Variants in IMMP2L observed in about 807,000 individuals in gnomAD.
IMMP2L encodes the protein mitochondrial inner membrane protease subunit 2.
In IMMP2L, 18 loss-of-function variants were observed where a neutral mutation model predicts 19.3. The ratio of observed to expected loss-of-function variants is 0.93; its 90% CI spans 0.64 to 1.38. The LOEUF (loss-of-function observed/expected upper bound fraction) is 1.38. Ranked by LOEUF, IMMP2L falls within the 40% of genes most tolerant of loss-of-function variation. The pLI is 0.00. For synonymous variants in IMMP2L, 76 were observed against 73.0 expected (o/e 1.04, Z -0.21); for missense variants, 233 against 218.2 (o/e 1.07, Z -0.43).
rs189276305 is a variant in IMMP2L, at chr7:110,688,484, T to C, written c.409-24763A>G. The stretch of plus-strand genomic sequence containing the variant: ...CTTTCCTTAGCAAAAAATTAATCAA[T>C]ATAAAAATGGATTAAATATATTTAA... On this transcript the variant is annotated intron_variant, in intron 5 of 5. Coordinates refer to ENST00000405709, the MANE Select transcript of IMMP2L (RefSeq NM_032549.4). 4.2e-3 allele frequency among the ~76,000 whole-genome samples: 641 copies of C among 152,054 alleles called. 1 individual carries two copies. Among genetic ancestry groups the C allele is most frequent in the Non-Finnish European group, 5.1e-3 (347 of 67,972 alleles).
intron 3 of IMMP2L, among the ~76,000 whole-genome samples, chr7:111,196,243 G>A (rs563497848): frequency 3.9e-5 from 6 of 152,282 alleles, no homozygotes; most frequent in African/African-American, 1.2e-4. Flanking sequence ...TTGGAATAAT[G>A]TGAAAGATTA....
At chr7:111,177,353 A>T (rs74527094) in intron 3 of IMMP2L, among the ~76,000 whole-genome samples, 7,364 of 151,710 alleles carry the variant, frequency 0.049, 223 homozygotes, top group South Asian at 0.083. Flanking sequence ...AATTTTTTAA[A>T]TTTTTTCTGT....
chr7:111,240,493 T>C (rs888801086), intron 3 of IMMP2L, among the ~76,000 whole-genome samples: 2 of 151,988 alleles, frequency 1.3e-5, no homozygotes, highest in Non-Finnish European at 2.9e-5. Flanking sequence ...TTGTCTGTCA[T>C]GTTTCAAACC....
At chr7:111,070,701 T>C (rs1359410162) in intron 3 of IMMP2L, among the ~76,000 whole-genome samples, 1 of 152,298 alleles carries the variant, frequency 6.6e-6, no homozygotes, top group South Asian at 2.1e-4. Flanking sequence ...TGCACCATAG[T>C]GGCCATATTT....
chr7:110,856,516 T>C (rs1275852048), intron 5 of IMMP2L, among the ~76,000 whole-genome samples: 2 of 152,030 alleles, frequency 1.3e-5, no homozygotes, highest in African/African-American at 2.4e-5. Context: ...CATTATTTTA[T>C]CTGATACAAA....
At chr7:110,748,014 A>C (rs1014401995) in intron 5 of IMMP2L, among the ~76,000 whole-genome samples, 6 of 152,248 alleles carry the variant, frequency 3.9e-5, no homozygotes, top group Admixed American at 3.3e-4. Flanking sequence ...ATCTCAGCCC[A>C]AAATCTCCTT....
chr7:110,994,875 T>A (rs560511417), intron 3 of IMMP2L, among the ~76,000 whole-genome samples: 1 of 152,106 alleles, frequency 6.6e-6, no homozygotes, highest in Admixed American at 6.6e-5. Context: ...CTTCTAATGA[T>A]AGAAGAAAGG....
chr7:110,790,452 G>C (rs1800388251), intron 5 of IMMP2L, among the ~76,000 whole-genome samples: 1 of 151,810 alleles, frequency 6.6e-6, no homozygotes, highest in Non-Finnish European at 1.5e-5. Context: ...AAGGGGACCA[G>C]TCCAGAGGCT....
At chr7:110,864,881 C>T (rs1807823542) in intron 5 of IMMP2L, among the ~76,000 whole-genome samples, 3 of 151,932 alleles carry the variant, frequency 2.0e-5, no homozygotes, top group Admixed American at 2.0e-4. Flanking sequence ...CTTTTCTTCC[C>T]TGATTTTCTC....
intron 5 of IMMP2L, among the ~76,000 whole-genome samples, chr7:110,681,115 C>G (rs1001446485): frequency 5.3e-5 from 8 of 151,156 alleles, no homozygotes; most frequent in African/African-American, 1.9e-4. Context: ...TGTGGAAATA[C>G]TGGTGAAAGA....
At chr7:110,816,359 A>G (rs1802517005) in intron 5 of IMMP2L, among the ~76,000 whole-genome samples, 1 of 151,954 alleles carries the variant, frequency 6.6e-6, no homozygotes, top group Non-Finnish European at 1.5e-5. Context: ...GTTCTTTTAC[A>G]TTTGCTGAGG....
chr7:111,188,848 A>G (rs1808558026), intron 3 of IMMP2L, among the ~76,000 whole-genome samples: 1 of 152,096 alleles, frequency 6.6e-6, no homozygotes, highest in East Asian at 1.9e-4. Flanking sequence ...TATTAGTCCT[A>G]CAGAATAACA....
chr7:111,136,475 C>A (rs1162568679), intron 3 of IMMP2L, among the ~76,000 whole-genome samples: 1 of 152,120 alleles, frequency 6.6e-6, no homozygotes, highest in Non-Finnish European at 1.5e-5. Flanking sequence ...GGCAGCCCTG[C>A]AAGTTATTGA....
At chr7:110,990,274 A>T (rs548493116) in intron 3 of IMMP2L, among the ~76,000 whole-genome samples, 1 of 152,324 alleles carries the variant, frequency 6.6e-6, no homozygotes, top group East Asian at 1.9e-4. Flanking sequence ...TGTGAATTTA[A>T]GAAAATCTTA....
At chr7:110,815,637 T>C (rs1284936358) in intron 5 of IMMP2L, among the ~76,000 whole-genome samples, 1 of 152,156 alleles carries the variant, frequency 6.6e-6, no homozygotes, top group Non-Finnish European at 1.5e-5. Context: ...ATTGCCACAA[T>C]TTCAGAGCCT....
chr7:110,779,692 T>C (rs918491340), intron 5 of IMMP2L, among the ~76,000 whole-genome samples: 1 of 151,880 alleles, frequency 6.6e-6, no homozygotes, highest in Admixed American at 6.6e-5. Context: ...AGGGGTGTTA[T>C]CACCTTGCAG....
At chr7:110,720,351 T>C (rs1795490726) in intron 5 of IMMP2L, among the ~76,000 whole-genome samples, 1 of 152,130 alleles carries the variant, frequency 6.6e-6, no homozygotes, top group African/African-American at 2.4e-5. Context: ...ACAAAACATT[T>C]ATGTAGAAAG....
chr7:111,015,737 T>A (rs1825441840), intron 3 of IMMP2L, among the ~76,000 whole-genome samples: 1 of 152,010 alleles, frequency 6.6e-6, no homozygotes. Context: ...GTAATGAAAA[T>A]ATTCTTGTAT....
chr7:111,002,109 T>A (rs1823769201), intron 3 of IMMP2L, among the ~76,000 whole-genome samples: 2 of 151,944 alleles, frequency 1.3e-5, no homozygotes, highest in Non-Finnish European at 2.9e-5. Context: ...TTCCTGATAC[T>A]ATGAGAGTCA....
Sources: allele counts gnomAD v4.1 joint callset (sites outside exome capture counted in the v4.1 genomes callset), GRCh38; gene constraint gnomAD v4.1.1; transcripts MANE v1.5; gene names NCBI Gene and HGNC (gene_info 2026-07-23, HGNC 2026-07-21).